The following CHD6 variants were observed in gnomAD, a reference collection of about 807,000 sequenced individuals.
CHD6 encodes ATP-dependent chromatin remodeler CHD6.
In CHD6, 50 loss-of-function variants were observed where a neutral mutation model predicts 276.9. The observed-to-expected ratio is 0.18, with a 90% CI of 0.14 to 0.23. The LOEUF (loss-of-function observed/expected upper bound fraction) is 0.23, where lower values mean the gene tolerates loss of function less well. Ranked by LOEUF, CHD6 falls within the 10% of genes least tolerant of loss-of-function variation. The pLI is 1.00. For synonymous variants in CHD6, 1,173 were observed against 1,229.3 expected, an observed-to-expected ratio of 0.95 and a Z score of 0.96; for missense variants, 2,564 against 3,365.8, an observed-to-expected ratio of 0.76 and a Z score of 5.89.
chr20:41,491,550 T>A, intron 11 of CHD6, 148 bp downstream of exon 11: 1 of 797,528 alleles, frequency 1.3e-6, no homozygotes, highest in Non-Finnish European at 2.0e-6. Flanking sequence ...AAGTAAGTCT[T>A]GGATGATTAA....
In CHD6 at chr20:41,405,089, G is replaced by A. The variant is rs200874789; in HGVS notation, c.7652C>T (p.Pro2551Leu). The change falls in exon 37 of 37, where the codon CCG becomes CTG. Residue 2551 changes from proline to leucine, a missense_variant. Around this residue, in one of 7 missense-constraint regions of CHD6, gnomAD observed 238 missense variants for 266.0 expected, o/e 0.89. Transcript: ENST00000373233. ...PMATTCTSTA[P>L]ASLSSTTKSG... ...TTTCGTTGTGCTTGATAGAGACGCCGGAGCAGTGGAAGTGCAGGTGGTTGC... is the reference window on the plus strand; with the variant it reads ...TTTCGTTGTGCTTGATAGAGACGCCAGAGCAGTGGAAGTGCAGGTGGTTGC... 8.8e-5 allele frequency: 142 copies of A among 1,614,222 alleles called. No individual in the cohort carries two copies. Among genetic ancestry groups the A allele is most frequent in the Admixed American group, 6.8e-4 (41 of 60,034 alleles).
intron 14 of CHD6, chr20:41,486,216 G>C (rs1173560171): frequency 6.6e-6 from 1 of 152,138 alleles, no homozygotes; most frequent in Non-Finnish European, 1.5e-5. Context: ...TTCAGCTTTT[G>C]CCCTTCTCTT....
chr20:41,610,638 G>A (rs189129162), intron 1 of CHD6, among the ~76,000 whole-genome samples: 71 of 152,280 alleles, frequency 4.7e-4, no homozygotes, highest in Non-Finnish European at 4.4e-5. Flanking sequence ...GCAGGCACCT[G>A]TAGTCCCAGC....
At chr20:41,582,866 A>G (rs2045555267) in intron 1 of CHD6, among the ~76,000 whole-genome samples, 1 of 152,196 alleles carries the variant, frequency 6.6e-6, no homozygotes, top group African/African-American at 2.4e-5. Context: ...ATGGGCTCAT[A>G]AGAACACTCT....
At chr20:41,480,418 T>C (rs1165221474) in intron 16 of CHD6, among the ~76,000 whole-genome samples, 1 of 152,228 alleles carries the variant, frequency 6.6e-6, no homozygotes, top group Non-Finnish European at 1.5e-5. Context: ...AGATAATTTT[T>C]AGTTTCAGAG....
intron 1 of CHD6, among the ~76,000 whole-genome samples, chr20:41,611,020 T>C (rs1055240812): frequency 1.3e-5 from 2 of 152,220 alleles, no homozygotes; most frequent in Non-Finnish European, 2.9e-5. Context: ...GGAAGGGTCA[T>C]AAGTCCCCGC....
intron 1 of CHD6, among the ~76,000 whole-genome samples, chr20:41,580,314 A>C (rs1409544188): frequency 6.6e-6 from 1 of 152,148 alleles, no homozygotes; most frequent in Admixed American, 6.5e-5. Flanking sequence ...TTTTCCCAAC[A>C]GCTGTCTGCC....
chr20:41,478,994 A>G (rs1359648010), intron 16 of CHD6, among the ~76,000 whole-genome samples: 1 of 139,768 alleles, frequency 7.2e-6, no homozygotes, highest in Non-Finnish European at 1.5e-5. Flanking sequence ...AATGAATAAA[A>G]AGAAAAGAAA....
chr20:41,529,523 T>TG, intron 3 of CHD6, among the ~76,000 whole-genome samples: 1 of 152,142 alleles, frequency 6.6e-6, no homozygotes, highest in South Asian at 2.1e-4. Context: ...TACACTGGTT[T>TG]GGGGAAACTC....
chr20:41,451,144 A>G lies in CHD6; in HGVS notation c.3524-39T>C, dbSNP rs771766608. On this transcript the variant is annotated intron_variant, in intron 22 of 36. Transcript: ENST00000373233. ...ACAGCATAGGGCAAGTGGATAGCCA[A>G]GGGGGGTGTTACACACGGGTTTTAG... 18 of 1,588,876 alleles carry G rather than the reference A, an allele frequency of 1.1e-5. No individual in the cohort carries two copies. In the Admixed American group the frequency reaches 2.7e-4, roughly 24 times the overall value.
At position 41,449,738 on chromosome 20, in the gene CHD6, A is replaced by C. The variant is rs570186596; in HGVS notation, c.3683+1208T>G. ...TATACTTCCATAATGTGCACACTGC[A>C]AACATGTATAGCTTAATGAATTCCT... On this transcript the variant is annotated intron_variant, in intron 23 of 36. Coordinates refer to ENST00000373233, the MANE Select transcript of CHD6 (RefSeq NM_032221.5). Among the ~76,000 whole-genome samples the C allele has an allele frequency of 3.9e-5, 6 of 152,334 alleles. No individual in the cohort carries two copies. The South Asian group carries it at 1.2e-3, about 32-fold the overall frequency.
intron 12 of CHD6, 83 bp from the exon 13 acceptor site, chr20:41,488,687 A>ATCTGTAGTGCTGC: frequency 1.7e-6 from 2 of 1,207,402 alleles, no homozygotes; most frequent in Non-Finnish European, 2.3e-6. Flanking sequence ...AGGAGGCAGC[A>ATCTGTAGTGCTGC]CTACAGATGC....
chr20:41,415,272 T>C lies in CHD6; in HGVS notation c.6853A>G (p.Arg2285Gly). Residue 2285 changes from arginine to glycine, a missense_variant, in exon 34 of 37, where the codon AGG (arginine) becomes GGG (glycine). By Grantham distance (125) the Arg-to-Gly change is moderately radical (BLOSUM62 -2). This residue lies in a region of CHD6 where 1,024 missense variants were observed against 1,047.9 expected (regional missense o/e 0.98). Coordinates refer to ENST00000373233, the MANE Select transcript of CHD6 (RefSeq NM_032221.5). ...TGTTTCCGCCTCCCTCTCCGCCTCC[T>C]CGTGGCTGCATCATCTCTTCTGAGG... ...GSLRRDDAAT[R>G]RRRGRRKHVE... The C allele has an allele frequency of 6.2e-7, 1 of 1,614,174 alleles. No individual in the cohort carries two copies. The highest frequency in any genetic ancestry group is 8.5e-7 in the Non-Finnish European group (1 of 1,180,034).
intron 10 of CHD6, among the ~76,000 whole-genome samples, chr20:41,492,665 G>T (rs955544824): frequency 4.6e-5 from 7 of 152,274 alleles, no homozygotes; most frequent in African/African-American, 1.7e-4. Context: ...TCACGCCAAA[G>T]TAATCCCAGC....
intron 3 of CHD6, among the ~76,000 whole-genome samples, chr20:41,532,074 A>G (rs1158591092): frequency 3.9e-5 from 6 of 152,234 alleles, no homozygotes; most frequent in African/African-American, 1.2e-4. Flanking sequence ...AGTTCTCCAC[A>G]AGGAATTTAG....
chr20:41,470,856 G>C (rs1016942863), intron 17 of CHD6, among the ~76,000 whole-genome samples: 3 of 152,234 alleles, frequency 2.0e-5, no homozygotes, highest in Non-Finnish European at 4.4e-5. Context: ...CAAAATGTTT[G>C]CCTCTGGCCA....
At position 41,413,346 on chromosome 20, in the gene CHD6, AAGG is replaced by A. The variant is rs763407172; in HGVS notation, c.7106_7108del (p.Ser2369del). 6.2e-7 allele frequency: 1 copy of A among 1,609,352 alleles called. No homozygotes were observed. Among genetic ancestry groups the A allele is most frequent in the Admixed American group, 1.7e-5 (1 of 59,720 alleles). ...TACTGCCCCAAAGCCAGGAACTTCT[AAGG>A]AGTAGTCAGCCTGCTGCCTTAGCCA... On this transcript the variant is annotated inframe_deletion, in exon 35 of 37. Transcript: ENST00000373233.
At chr20:41,462,561 G>A (rs566785828) in intron 17 of CHD6, among the ~76,000 whole-genome samples, 45 of 152,268 alleles carry the variant, frequency 3.0e-4, no homozygotes, top group Non-Finnish European at 5.4e-4. Context: ...GCAGGAGTAA[G>A]GGCTTTCACT....
chr20:41,436,434 G>A (rs887491355), intron 27 of CHD6, among the ~76,000 whole-genome samples: 1 of 152,152 alleles, frequency 6.6e-6, no homozygotes, highest in Admixed American at 6.5e-5. Context: ...AAATGGTACA[G>A]CCACTCTGGA....
Sources: allele counts gnomAD v4.1 joint callset (sites outside exome capture counted in the v4.1 genomes callset), GRCh38; gene constraint gnomAD v4.1.1; regional missense constraint gnomAD v4.1.1; transcripts MANE v1.5; gene names NCBI Gene and HGNC (gene_info 2026-07-23, HGNC 2026-07-21).